ZRANB1: variants seen among roughly 807,000 people sequenced by gnomAD.
ZRANB1 encodes the protein zinc finger RANBP2-type containing 1, also known as ubiquitin thioesterase ZRANB1.
ZRANB1 carries 16 observed loss-of-function variants against 80.5 expected under a neutral mutation model. The ratio of observed to expected loss-of-function variants is 0.20; its 90% CI spans 0.13 to 0.30. The LOEUF (loss-of-function observed/expected upper bound fraction) is 0.30. ZRANB1 is among the 10% of genes least tolerant of loss of function. The pLI is 1.00. For missense variants in ZRANB1, 576 were observed against 862.6 expected (o/e 0.67, Z 4.16); for synonymous variants, 291 against 293.1 (o/e 0.99, Z 0.07).
At chr10:124,941,987 G>T (rs1367697478), upstream of ZRANB1, 2 of 252,904 alleles carry the variant, frequency 7.9e-6, no homozygotes, top group Non-Finnish European at 1.3e-5. Context: ...AATAGACGTT[G>T]CTTGATCTTC....
intron 1 of ZRANB1, 52 bp downstream of exon 1, chr10:124,943,359 A>C (rs766314171): frequency 6.5e-7 from 1 of 1,536,186 alleles, no homozygotes; most frequent in Non-Finnish European, 8.8e-7. Flanking sequence ...AGGTAGTAAA[A>C]ATGATATGAA....
At chr10:124,922,362 T>G in the ZRANB1 span, among the ~76,000 whole-genome samples, 1 of 147,148 alleles carries the variant, frequency 6.8e-6, no homozygotes, top group African/African-American at 2.5e-5. Flanking sequence ...GGTCTCACTG[T>G]GTTGCCCAGG....
intron 5 of ZRANB1, among the ~76,000 whole-genome samples, chr10:124,980,338 T>G (rs1189068336): frequency 6.6e-6 from 1 of 152,224 alleles, no homozygotes; most frequent in East Asian, 1.9e-4. Flanking sequence ...TAAAGTATAT[T>G]TCATTGAACC....
intron 5 of ZRANB1, among the ~76,000 whole-genome samples, chr10:124,978,887 A>G (rs1250105876): frequency 6.7e-6 from 1 of 150,214 alleles, no homozygotes; most frequent in Non-Finnish European, 1.5e-5. Context: ...CGGCCTCCTA[A>G]AGTGACTGTT....
chr10:124,968,415 T>G (rs994931505), intron 2 of ZRANB1, among the ~76,000 whole-genome samples: 1 of 152,098 alleles, frequency 6.6e-6, no homozygotes, highest in Non-Finnish European at 1.5e-5. Flanking sequence ...AACCCCTGTG[T>G]CCAGTTTGGT....
rs941654299 is a variant in ZRANB1 at position 124,942,131 on chromosome 10, C to T, written c.-363C>T. 15 of 1,051,182 alleles carry T rather than the reference C, an allele frequency of 1.4e-5. No homozygotes were observed. The African/African-American group carries it at 2.2e-4, about 16-fold the overall frequency. 65.1% of individuals were successfully genotyped at this position (1,051,182 alleles called of 1,614,324 possible). A position where few individuals can be genotyped will look rare whatever the true frequency, so the allele number is the denominator to read the frequency against. On this transcript the variant is annotated 5_prime_UTR_variant, in exon 1 of 9. Coordinates refer to ENST00000359653, the MANE Select transcript of ZRANB1 (RefSeq NM_017580.3). Reference sequence around the variant, plus strand: ...TACTTTTCTAAATTGATGTGATGGCCTCCCTGAAATTAAACATTTCTATTA... The same window carrying T: ...TACTTTTCTAAATTGATGTGATGGCTTCCCTGAAATTAAACATTTCTATTA...
chr10:124,982,723 G>A (rs1330419278), intron 6 of ZRANB1, among the ~76,000 whole-genome samples: 1 of 152,106 alleles, frequency 6.6e-6, no homozygotes, highest in African/African-American at 2.4e-5. Flanking sequence ...CTCGATGATG[G>A]ACCCATTTAA....
intron 1 of ZRANB1, among the ~76,000 whole-genome samples, chr10:124,956,905 G>A (rs573690866): frequency 3.0e-4 from 45 of 152,224 alleles, no homozygotes; most frequent in African/African-American, 1.0e-3. Context: ...TGTCTTTCTC[G>A]TGTGTATTCT....
At position 124,986,287 on chromosome 10, in the gene ZRANB1, GCGCGCACACACA is replaced by G. The variant is rs1433888161; in HGVS notation, c.*1297_*1308del. On this transcript the variant is annotated 3_prime_UTR_variant, in exon 9 of 9. Transcript: ENST00000359653. The stretch of plus-strand genomic sequence containing the variant: ...GGAAAGACGACACACGCACGCGCGC[GCGCGCACACACA>G]CACACACACACACACACACACACAG... 2.7e-5 allele frequency: 2 copies of G among 73,022 alleles called. No homozygotes were observed. The highest frequency in any genetic ancestry group is 8.4e-5 in the African/African-American group (2 of 23,688). 4.5% of individuals were successfully genotyped at this position (73,022 alleles called of 1,614,324 possible).
chr10:124,924,203 G>C, the ZRANB1 span, among the ~76,000 whole-genome samples: 1 of 151,032 alleles, frequency 6.6e-6, no homozygotes, highest in Non-Finnish European at 1.5e-5. Context: ...CTCCGCACCT[G>C]GCCATAATGT....
Position 124,974,399 on chromosome 10 carries a change from G to A in ZRANB1, c.1427+1G>A. On this transcript the variant is annotated splice_donor_variant, in intron 5 of 8. Transcript: ENST00000359653. LOFTEE classifies it high-confidence loss of function. ...ACAGCCTGCATGACTGTTCACATTG[G>A]TGAGCTGGCATTCTGCCCTGTTTCA... is the stretch of plus-strand genomic sequence containing the variant. 6.2e-7 allele frequency: 1 copy of A among 1,614,220 alleles called. No homozygotes were observed. The highest frequency in any genetic ancestry group is 8.5e-7 in the Non-Finnish European group (1 of 1,180,016).
At chr10:124,945,728 T>G (rs1332351913) in intron 1 of ZRANB1, 1 of 152,218 alleles carries the variant, frequency 6.6e-6, no homozygotes, top group African/African-American at 2.4e-5. Flanking sequence ...TTATTTCTTC[T>G]TGGTCCTGCC....
chr10:124,980,798 C>T (rs1351250328), intron 5 of ZRANB1, among the ~76,000 whole-genome samples: 2 of 152,098 alleles, frequency 1.3e-5, no homozygotes, highest in Non-Finnish European at 2.9e-5. Flanking sequence ...GCAATATAGC[C>T]GGGGTCTCAC....
At chr10:124,956,136 T>C (rs898664421) in intron 1 of ZRANB1, among the ~76,000 whole-genome samples, 4 of 152,240 alleles carry the variant, frequency 2.6e-5, no homozygotes, top group Non-Finnish European at 4.4e-5. Flanking sequence ...TTCTTGATTA[T>C]GTGATAACTG....
chr10:124,981,460 G>T, intron 5 of ZRANB1: 2 of 265,022 alleles, frequency 7.5e-6, no homozygotes, highest in Non-Finnish European at 1.4e-5. Flanking sequence ...ATTAGCGTTT[G>T]AAGTTTGAAA....
At chr10:124,940,598 AT>A (rs143159305), upstream of ZRANB1, 75 of 1,156,108 alleles carry the variant, frequency 6.5e-5, no homozygotes, top group Non-Finnish European at 7.4e-5. Flanking sequence ...TCTTATAGTG[AT>A]TTTTTTTTCT....
upstream of ZRANB1, among the ~76,000 whole-genome samples, chr10:124,939,196 T>G (rs897784147): frequency 3.3e-5 from 5 of 151,426 alleles, no homozygotes; most frequent in Non-Finnish European, 7.4e-5. Context: ...AATCGTGTTT[T>G]TTTTTTTTTT....
At chr10:124,941,761 C>T (rs1951538135), upstream of ZRANB1, among the ~76,000 whole-genome samples, 2 of 152,072 alleles carry the variant, frequency 1.3e-5, no homozygotes, top group African/African-American at 4.8e-5. Context: ...AGTGACCTTC[C>T]ACAGATTTAA....
intron 1 of ZRANB1, among the ~76,000 whole-genome samples, chr10:124,959,983 T>G (rs1951720281): frequency 1.3e-5 from 2 of 152,162 alleles, no homozygotes; most frequent in African/African-American, 4.8e-5. Context: ...CTTGGAAGAA[T>G]TGATACTGGG....
Sources: gnomAD v4.1 joint callset for allele counts (sites outside exome capture counted in the v4.1 genomes callset) on GRCh38, gnomAD v4.1.1 for gene constraint, MANE v1.5 for transcripts, NCBI Gene and HGNC (gene_info 2026-07-23, HGNC 2026-07-21) for gene names.